The following MLLT3 variants were observed in gnomAD, a reference collection of about 807,000 sequenced individuals.
The protein encoded by MLLT3 is protein AF-9.
In MLLT3, 4 loss-of-function variants were observed where a neutral mutation model predicts 53.2. The observed-to-expected ratio is 0.08, with a 90% CI of 0.04 to 0.17. MLLT3 has a LOEUF of 0.17. Ranked by LOEUF, MLLT3 falls within the 10% of genes least tolerant of loss-of-function variation. The pLI is 1.00. For synonymous variants in MLLT3, 283 were observed against 230.6 expected, an observed-to-expected ratio of 1.23 and a Z score of -2.06; for missense variants, 569 against 684.0, an observed-to-expected ratio of 0.83 and a Z score of 1.87.
intron 2 of MLLT3, among the ~76,000 whole-genome samples, chr9:20,541,079 C>G (rs1053801832): frequency 6.6e-6 from 1 of 152,180 alleles, no homozygotes; most frequent in Non-Finnish European, 1.5e-5. Context: ...TGCCACCAGC[C>G]TTTTTGCTAA....
At chr9:20,581,221 C>A (rs547456710) in intron 2 of MLLT3, among the ~76,000 whole-genome samples, 15 of 152,262 alleles carry the variant, frequency 9.9e-5, no homozygotes, top group Admixed American at 9.2e-4. Flanking sequence ...CTTTGATACA[C>A]AGGTGAGAGT....
intron 2 of MLLT3, among the ~76,000 whole-genome samples, chr9:20,597,943 G>T (rs1329120439): frequency 1.3e-5 from 2 of 151,950 alleles, no homozygotes; most frequent in Admixed American, 6.6e-5. Context: ...AATCAACCAG[G>T]TCCTGTTTCT....
chr9:20,451,945 A>G (rs1472477719), intron 3 of MLLT3, among the ~76,000 whole-genome samples: 1 of 152,180 alleles, frequency 6.6e-6, no homozygotes, highest in Non-Finnish European at 1.5e-5. Context: ...AGACAGCATT[A>G]ACATATACAA....
At position 20,585,620 on chromosome 9, in the gene MLLT3, G is replaced by A. The variant is rs146749160; in HGVS notation, c.193+35034C>T. Among the ~76,000 whole-genome samples the A allele has an allele frequency of 2.6e-5, 4 of 152,264 alleles. No homozygotes were observed. In the East Asian group the frequency reaches 7.7e-4, roughly 29 times the overall value. ...TTCACCATTCTAATGGTATGTAGTG[G>A]TATCATTGTTTTTGTTAATTTGCAA... is the stretch of plus-strand genomic sequence containing the variant. On this transcript the variant is annotated intron_variant, in intron 2 of 10. Transcript: ENST00000380338.
chr9:20,443,738 T>A (rs117261693), intron 4 of MLLT3, among the ~76,000 whole-genome samples: 218 of 152,282 alleles, frequency 1.4e-3, no homozygotes, highest in East Asian at 0.012. Flanking sequence ...TATTCTAAAC[T>A]AGTAACTGAG....
intron 3 of MLLT3, among the ~76,000 whole-genome samples, chr9:20,449,335 T>C (rs943764776): frequency 1.3e-5 from 2 of 152,170 alleles, no homozygotes; most frequent in Admixed American, 6.5e-5. Flanking sequence ...TTTTTCTGAA[T>C]AAATAACTAG....
At chr9:20,611,731 C>T (rs1820707091) in intron 2 of MLLT3, among the ~76,000 whole-genome samples, 1 of 152,104 alleles carries the variant, frequency 6.6e-6, no homozygotes, top group African/African-American at 2.4e-5. Flanking sequence ...CACCCAAATG[C>T]TGGCCTTATC....
At position 20,521,192 on chromosome 9, in the gene MLLT3, T is replaced by C. The variant is rs549572820; in HGVS notation, c.194-64406A>G. Among the ~76,000 whole-genome samples, 225 of 152,146 alleles carry C rather than the reference T, an allele frequency of 1.5e-3. 3 individuals are homozygous for C. The highest frequency in any genetic ancestry group is 4.1e-4 in the Non-Finnish European group (28 of 68,000). ...TTCAAGCGATTCTCCTGCCTCAGCC[T>C]CCCTAGCAGCTGGGACTTCAGGTAT... On this transcript the variant is annotated intron_variant, in intron 2 of 10. Transcript: ENST00000380338.
At chr9:20,355,772 T>A (rs1186000210) in intron 8 of MLLT3, among the ~76,000 whole-genome samples, 1 of 152,264 alleles carries the variant, frequency 6.6e-6, no homozygotes. Context: ...TGAGTTGTTA[T>A]AACTGGAGAC....
At chr9:20,454,107 CTTTAT>C (rs1385948400) in intron 3 of MLLT3, among the ~76,000 whole-genome samples, 2 of 152,052 alleles carry the variant, frequency 1.3e-5, no homozygotes, top group African/African-American at 4.8e-5. Flanking sequence ...TGCTTTCTTC[CTTTAT>C]ATTTTAAGAA....
chr9:20,605,099 T>C (rs908994693), intron 2 of MLLT3, among the ~76,000 whole-genome samples: 1 of 152,132 alleles, frequency 6.6e-6, no homozygotes, highest in African/African-American at 2.4e-5. Context: ...CATAGATGTT[T>C]GATTCTTTCA....
intron 4 of MLLT3, among the ~76,000 whole-genome samples, chr9:20,418,606 G>A (rs1385127337): frequency 6.6e-6 from 1 of 152,096 alleles, no homozygotes; most frequent in Admixed American, 6.5e-5. Flanking sequence ...ACCCAAAAGA[G>A]TTTATTTGTT....
At chr9:20,565,953 TTTATATATATATATTTA>T (rs1563820471) in intron 2 of MLLT3, among the ~76,000 whole-genome samples, 9 of 8,488 alleles carry the variant, frequency 1.1e-3, no homozygotes, top group South Asian at 3.8e-3. Context: ...TATATATATA[TTTATATATATATATTTA>T]TATATATATA....
intron 9 of MLLT3, among the ~76,000 whole-genome samples, chr9:20,354,441 C>G (rs1167793247): frequency 6.6e-6 from 1 of 152,218 alleles, no homozygotes; most frequent in African/African-American, 2.4e-5. Flanking sequence ...GTTTCAGAAG[C>G]ATGACGCACA....
chr9:20,611,269 T>C (rs1820696005), intron 2 of MLLT3, among the ~76,000 whole-genome samples: 1 of 152,074 alleles, frequency 6.6e-6, no homozygotes, highest in Non-Finnish European at 1.5e-5. Flanking sequence ...CATAAAAACC[T>C]ATCTGCAAAA....
chr9:20,534,702 C>G (rs1463348461), intron 2 of MLLT3, among the ~76,000 whole-genome samples: 1 of 152,018 alleles, frequency 6.6e-6, no homozygotes, highest in Non-Finnish European at 1.5e-5. Context: ...CCGGATAACA[C>G]AGTGAAACCC....
intron 2 of MLLT3, among the ~76,000 whole-genome samples, chr9:20,585,284 T>C (rs562769581): frequency 6.6e-6 from 1 of 152,300 alleles, no homozygotes; most frequent in East Asian, 1.9e-4. Context: ...TGACAAAAAC[T>C]GTACATATTT....
At chr9:20,447,222 T>A (rs985993904) in intron 4 of MLLT3, among the ~76,000 whole-genome samples, 1 of 152,098 alleles carries the variant, frequency 6.6e-6, no homozygotes, top group African/African-American at 2.4e-5. Context: ...TCAGGTAGAG[T>A]TTATCAGTGA....
rs1823750897 is a variant in MLLT3 at position 20,448,112 on chromosome 9, G to A, written c.420+11C>T. 1.2e-6 allele frequency: 2 copies of A among 1,605,354 alleles called. No individual in the cohort carries two copies. Among genetic ancestry groups the A allele is most frequent in the African/African-American group, 1.3e-5 (1 of 74,312 alleles). ...TAATAGGAATGCTTTTCACAAGAGA[G>A]TGCCACTTACCCCTCCTGCCTTCAG... On this transcript the variant is annotated intron_variant, in intron 4 of 10. Coordinates refer to ENST00000380338, the MANE Select transcript of MLLT3 (RefSeq NM_004529.4). This position sits in a 1 kb window ranked among gnomAD's most constrained non-coding sequence, Gnocchi z 4.0.
Sources: gnomAD v4.1 joint callset for allele counts (sites outside exome capture counted in the v4.1 genomes callset) on GRCh38, gnomAD v4.1.1 for gene constraint, Gnocchi (gnomAD v3.1) non-coding constraint, MANE v1.5 for transcripts, NCBI Gene and HGNC (gene_info 2026-07-23, HGNC 2026-07-21) for gene names.